The following CSMD1 variants were observed in gnomAD, a reference collection of about 807,000 sequenced individuals.
CSMD1 encodes CUB and Sushi multiple domains 1, also known as CUB and sushi domain-containing protein 1.
A neutral mutation model predicts 417.5 loss-of-function variants in CSMD1; 213 were observed. The observed-to-expected ratio is 0.51, with a 90% CI of 0.46 to 0.57. The LOEUF is 0.57. Among genes scored for constraint, CSMD1 ranks in the 20% least tolerant of loss-of-function variants. The pLI, the probability that CSMD1 is intolerant of heterozygous loss-of-function variation, is 0.00. For synonymous variants in CSMD1, 2,862 were observed against 1,736.8 expected (o/e 1.65, Z -16.11); for missense variants, 6,923 against 4,529.7 (o/e 1.53, Z -15.17).
At chr8:3,948,955 T>C (rs910145260) in intron 5 of CSMD1, among the ~76,000 whole-genome samples, 2 of 152,190 alleles carry the variant, frequency 1.3e-5, no homozygotes, top group African/African-American at 4.8e-5. Flanking sequence ...GATGGGCTAC[T>C]GGAAAATATT....
At chr8:4,144,182 G>C (rs912080843) in intron 3 of CSMD1, among the ~76,000 whole-genome samples, 1 of 150,884 alleles carries the variant, frequency 6.6e-6, no homozygotes, top group Non-Finnish European at 1.5e-5. Flanking sequence ...GCACGAATTG[G>C]CCTTAGACCT....
At chr8:4,639,751 C>T (rs1355154574) in intron 1 of CSMD1, among the ~76,000 whole-genome samples, 4 of 152,012 alleles carry the variant, frequency 2.6e-5, no homozygotes, top group African/African-American at 9.7e-5. Context: ...AACAGTAGAC[C>T]TCAGTGAGCT....
At chr8:4,666,675 A>T (rs926522068) in intron 1 of CSMD1, among the ~76,000 whole-genome samples, 1 of 152,194 alleles carries the variant, frequency 6.6e-6, no homozygotes, top group African/African-American at 2.4e-5. Flanking sequence ...GTAATTAAAC[A>T]AAGTGTCCAA....
chr8:3,060,568 T>C (rs958294457), intron 49 of CSMD1, among the ~76,000 whole-genome samples: 3 of 152,332 alleles, frequency 2.0e-5, no homozygotes, highest in African/African-American at 7.2e-5. Flanking sequence ...CAGGCATGAT[T>C]GTTGTAAGTT....
At chr8:3,675,257 G>T (rs1024830486) in intron 7 of CSMD1, among the ~76,000 whole-genome samples, 1 of 152,104 alleles carries the variant, frequency 6.6e-6, no homozygotes, top group Non-Finnish European at 1.5e-5. Flanking sequence ...GACCTGGCTG[G>T]CATGTGCGTG....
intron 30 of CSMD1, among the ~76,000 whole-genome samples, chr8:3,210,470 A>G (rs185759274): frequency 1.3e-5 from 2 of 148,702 alleles, no homozygotes; most frequent in Admixed American, 1.4e-4. Context: ...ATATATAGGA[A>G]TATACATATA....
chr8:4,440,319 C>A (rs769276003), intron 2 of CSMD1, among the ~76,000 whole-genome samples: 1 of 152,150 alleles, frequency 6.6e-6, no homozygotes, highest in Non-Finnish European at 1.5e-5. Flanking sequence ...GCTGGAAAGT[C>A]TATTAACTGG....
At chr8:3,658,962 C>T (rs1187008256) in intron 7 of CSMD1, among the ~76,000 whole-genome samples, 1 of 152,096 alleles carries the variant, frequency 6.6e-6, no homozygotes, top group African/African-American at 2.4e-5. Flanking sequence ...CTTTCATATG[C>T]TAGGAATGAC....
chr8:3,258,181 A>G (rs929352610), intron 26 of CSMD1, among the ~76,000 whole-genome samples: 1 of 152,136 alleles, frequency 6.6e-6, no homozygotes, highest in South Asian at 2.1e-4. Context: ...AAGGGAGAAA[A>G]TTTTTCCAAA....
rs534492564 is a variant in CSMD1 at position 4,809,432 on chromosome 8, C to A, written c.86-171874G>T. 6.6e-5 allele frequency among the ~76,000 whole-genome samples: 10 copies of A among 152,260 alleles called. No homozygotes were observed. In the South Asian group the frequency reaches 1.7e-3, roughly 25 times the overall value. ...GTATAAGTTAAATTTCCAAACATTACCTGCAATCTAAGAATACTGTATGTA... is the reference window on the plus strand; with the variant it reads ...GTATAAGTTAAATTTCCAAACATTAACTGCAATCTAAGAATACTGTATGTA... On this transcript the variant is annotated intron_variant, in intron 1 of 69. Transcript: ENST00000635120.
At position 4,976,769 on chromosome 8, in the gene CSMD1, G is replaced by C. The variant is rs564436088; in HGVS notation, c.85+17563C>G. Among the ~76,000 whole-genome samples, 3 of 152,260 alleles carry C rather than the reference G, an allele frequency of 2.0e-5. No individual in the cohort carries two copies. In the South Asian group the frequency reaches 6.2e-4, roughly 32 times the overall value. On this transcript the variant is annotated intron_variant, in intron 1 of 69. Transcript: ENST00000635120. ...TGAGCTTCACTTTCATGGCAAATGTGATATGGTAGGTATATGACACATCAC... is the reference window on the plus strand; with the variant it reads ...TGAGCTTCACTTTCATGGCAAATGTCATATGGTAGGTATATGACACATCAC...
intron 3 of CSMD1, among the ~76,000 whole-genome samples, chr8:4,169,317 G>A (rs906403485): frequency 1.3e-5 from 2 of 152,108 alleles, no homozygotes; most frequent in African/African-American, 2.4e-5. Flanking sequence ...CTCTAAAGCT[G>A]GTCCCTCCCA....
chr8:3,574,793 T>G (rs1406362021), intron 10 of CSMD1, among the ~76,000 whole-genome samples, 152 bp downstream of exon 10: 1 of 152,216 alleles, frequency 6.6e-6, no homozygotes, highest in Non-Finnish European at 1.5e-5. Flanking sequence ...CTGCAATGAA[T>G]GTGGCATCTA....
intron 7 of CSMD1, among the ~76,000 whole-genome samples, chr8:3,634,570 A>G (rs1279637234): frequency 6.6e-6 from 1 of 152,044 alleles, no homozygotes. Context: ...TTTCACTGTC[A>G]CAAGCCATAG....
intron 7 of CSMD1, among the ~76,000 whole-genome samples, chr8:3,632,377 T>G (rs1412802281): frequency 6.6e-6 from 1 of 152,106 alleles, no homozygotes; most frequent in Non-Finnish European, 1.5e-5. Context: ...CCTCAATGAC[T>G]TATTGAATCA....
At chr8:3,749,609 ATTT>A (rs1169715719) in intron 6 of CSMD1, among the ~76,000 whole-genome samples, 1 of 152,216 alleles carries the variant, frequency 6.6e-6, no homozygotes, top group Non-Finnish European at 1.5e-5. Flanking sequence ...AGAATATATT[ATTT>A]GTCTTTGAGA....
intron 1 of CSMD1, among the ~76,000 whole-genome samples, chr8:4,900,576 T>C (rs1804801664): frequency 6.6e-6 from 1 of 152,158 alleles, no homozygotes; most frequent in African/African-American, 2.4e-5. Flanking sequence ...GTGCCACCTT[T>C]CTGGCCTCTT....
chr8:4,330,226 T>TGTCAGATCCACCC (rs926009052), intron 3 of CSMD1, among the ~76,000 whole-genome samples: 2 of 151,978 alleles, frequency 1.3e-5, no homozygotes, highest in Non-Finnish European at 2.9e-5. Flanking sequence ...CAGATCCACC[T>TGTCAGATCCACCC]GTCAGATCCA....
In CSMD1 at chr8:4,409,641, T is replaced by C. The variant is rs202052419; in HGVS notation, c.415+10312A>G. 0.012 allele frequency among the ~76,000 whole-genome samples: 623 copies of C among 51,940 alleles called. 16 individuals are homozygous for C. The East Asian group carries it at 0.16, about 13-fold the overall frequency. 34.1% of individuals were successfully genotyped at this position (51,940 alleles called of 152,430 possible). ...AGATTCATCATTATTTGACTTTTTT[T>C]CTTTTTTTTTTTTTTTTTTTTAACA... On this transcript the variant is annotated intron_variant, in intron 3 of 69. Coordinates refer to ENST00000635120, the MANE Select transcript of CSMD1 (RefSeq NM_033225.6).
Sources: gnomAD v4.1 joint callset for allele counts (sites outside exome capture counted in the v4.1 genomes callset) on GRCh38, gnomAD v4.1.1 for gene constraint, MANE v1.5 for transcripts, NCBI Gene and HGNC (gene_info 2026-07-23, HGNC 2026-07-21) for gene names.